The following LRRTM4 variants were observed in gnomAD, a reference collection of about 807,000 sequenced individuals.
The protein encoded by LRRTM4 is leucine-rich repeat transmembrane neuronal protein 4.
In LRRTM4, 25 loss-of-function variants were observed where a neutral mutation model predicts 47.6. The observed-to-expected ratio is 0.53, with a 90% CI of 0.38 to 0.73. LRRTM4 has a LOEUF of 0.73. Among genes scored for constraint, LRRTM4 ranks in the 30% least tolerant of loss-of-function variants. The pLI, the probability that LRRTM4 is intolerant of heterozygous loss-of-function variation, is 0.00. For synonymous variants in LRRTM4, 311 were observed against 269.5 expected, an observed-to-expected ratio of 1.15 and a Z score of -1.51; for missense variants, 638 against 713.4, an observed-to-expected ratio of 0.89 and a Z score of 1.20.
At chr2:77,323,364 G>A (rs1670619591) in intron 3 of LRRTM4, among the ~76,000 whole-genome samples, 1 of 152,146 alleles carries the variant, frequency 6.6e-6, no homozygotes, top group Non-Finnish European at 1.5e-5. Context: ...AGCTGTTACT[G>A]TCAAAGGTTA....
In LRRTM4 at chr2:77,083,868, G is replaced by C. The variant is rs551201932; in HGVS notation, c.1552-334952C>G. Among the ~76,000 whole-genome samples the C allele has an allele frequency of 1.1e-4, 14 of 132,048 alleles. No homozygotes were observed. The East Asian group carries it at 3.2e-3, about 30-fold the overall frequency. The allele number at this position is 132,048 out of a possible 152,430, so 86.6% of individuals were successfully genotyped here. ...CGCCCAGGCTGGAGTGCAATGGTGA[G>C]ATCTGGGCTCACTGCAAGCTCCGCC... On this transcript the variant is annotated intron_variant, in intron 3 of 3. Coordinates refer to ENST00000409884, the MANE Select transcript of LRRTM4 (RefSeq NM_001134745.3).
chr2:76,757,761 A>T (rs550940081), intron 3 of LRRTM4, among the ~76,000 whole-genome samples: 1 of 152,264 alleles, frequency 6.6e-6, no homozygotes, highest in Non-Finnish European at 1.5e-5. Flanking sequence ...AGAAGTTTTA[A>T]TGACATACAG....
At chr2:76,790,617 T>C (rs1231234195) in intron 3 of LRRTM4, among the ~76,000 whole-genome samples, 1 of 152,174 alleles carries the variant, frequency 6.6e-6, no homozygotes, top group Non-Finnish European at 1.5e-5. Context: ...AATAAAATAA[T>C]TCCCATTGCT....
intron 3 of LRRTM4, among the ~76,000 whole-genome samples, chr2:77,239,495 G>A (rs868005416): frequency 6.6e-6 from 1 of 152,028 alleles, no homozygotes; most frequent in African/African-American, 2.4e-5. Context: ...GAGATTGTCA[G>A]ATGATTGGAT....
At chr2:77,193,553 T>C (rs1488324809) in intron 3 of LRRTM4, among the ~76,000 whole-genome samples, 1 of 152,066 alleles carries the variant, frequency 6.6e-6, no homozygotes, top group Non-Finnish European at 1.5e-5. Context: ...CTCACGCCTG[T>C]AATCCCAGCA....
At chr2:77,394,407 G>C (rs965165099) in intron 3 of LRRTM4, among the ~76,000 whole-genome samples, 1 of 151,830 alleles carries the variant, frequency 6.6e-6, no homozygotes, top group Non-Finnish European at 1.5e-5. Flanking sequence ...TAATTTCTGA[G>C]ATGATGCTAT....
chr2:77,189,913 C>G (rs139832449), intron 3 of LRRTM4, among the ~76,000 whole-genome samples: 1 of 151,942 alleles, frequency 6.6e-6, no homozygotes, highest in Admixed American at 6.6e-5. Context: ...TGTATAAATA[C>G]TTTATACTTG....
At chr2:77,196,696 G>A (rs752055858) in intron 3 of LRRTM4, among the ~76,000 whole-genome samples, 37 of 152,254 alleles carry the variant, frequency 2.4e-4, no homozygotes, top group Non-Finnish European at 4.6e-4. Context: ...AGCTGAGAAC[G>A]TGCCACTGCA....
chr2:77,189,854 C>T (rs1188310343), intron 3 of LRRTM4, among the ~76,000 whole-genome samples: 1 of 151,912 alleles, frequency 6.6e-6, no homozygotes, highest in Non-Finnish European at 1.5e-5. Context: ...TATACATAAA[C>T]AATATCTATG....
rs377627751 is a variant in LRRTM4, at chr2:77,112,290, A to G, written c.1552-363374T>C. The stretch of plus-strand genomic sequence containing the variant: ...TGTTTATGTTTTTCTTTCAAGTGGA[A>G]TTTAAACTGGCTCTTTATTTTCTTG... On this transcript the variant is annotated intron_variant, in intron 3 of 3. Transcript: ENST00000409884. Among the ~76,000 whole-genome samples the G allele has an allele frequency of 6.7e-4, 102 of 152,324 alleles. 1 individual carries two copies. The highest frequency in any genetic ancestry group is 2.4e-3 in the African/African-American group (100 of 41,584).
chr2:77,034,056 G>A (rs1029828435), intron 3 of LRRTM4, among the ~76,000 whole-genome samples: 3 of 151,368 alleles, frequency 2.0e-5, no homozygotes, highest in Admixed American at 1.3e-4. Context: ...AAACCATAAA[G>A]GTTCTGTTAT....
chr2:77,338,799 C>T (rs879057528), intron 3 of LRRTM4, among the ~76,000 whole-genome samples: 1 of 151,962 alleles, frequency 6.6e-6, no homozygotes, highest in Non-Finnish European at 1.5e-5. Flanking sequence ...CACCTGCACT[C>T]GTATGTTTAT....
At chr2:76,830,515 C>CGTGTGT (rs57566911) in intron 3 of LRRTM4, among the ~76,000 whole-genome samples, 4,616 of 144,034 alleles carry the variant, frequency 0.032, 151 homozygotes, top group East Asian at 0.13. Context: ...GCAGTGTGTG[C>CGTGTGT]GTGTGTGTGT....
intron 3 of LRRTM4, among the ~76,000 whole-genome samples, chr2:77,155,751 G>A (rs529624530): frequency 2.6e-5 from 4 of 152,138 alleles, no homozygotes; most frequent in African/African-American, 4.8e-5. Flanking sequence ...GGGGGAGGAT[G>A]GGAAGAGGTT....
At chr2:76,757,802 T>C (rs1401314563) in intron 3 of LRRTM4, among the ~76,000 whole-genome samples, 1 of 152,078 alleles carries the variant, frequency 6.6e-6, no homozygotes. Flanking sequence ...CGGAAAACAG[T>C]GATTATTACT....
chr2:76,945,012 C>T (rs976298027), intron 3 of LRRTM4, among the ~76,000 whole-genome samples: 8 of 151,926 alleles, frequency 5.3e-5, no homozygotes, highest in Non-Finnish European at 1.2e-4. Flanking sequence ...TGGAAATTAT[C>T]CCGTGGATTT....
rs561232693 is a variant in LRRTM4 at position 76,890,723 on chromosome 2, G to A, written c.1552-141807C>T. On this transcript the variant is annotated intron_variant, in intron 3 of 3. Coordinates refer to ENST00000409884, the MANE Select transcript of LRRTM4 (RefSeq NM_001134745.3). Reference sequence around the variant, plus strand: ...AGTATACATATCAACAAAAAATAACGAACATAACTGACAACATCTACACCC... The same window carrying A: ...AGTATACATATCAACAAAAAATAACAAACATAACTGACAACATCTACACCC... Among the ~76,000 whole-genome samples the A allele has an allele frequency of 8.6e-5, 13 of 151,244 alleles. No homozygotes were observed. In the South Asian group the frequency reaches 1.3e-3, roughly 15 times the overall value.
rs1262355266 is a variant in LRRTM4 at position 77,384,421 on chromosome 2, T to C, written c.1551+133897A>G. Among the ~76,000 whole-genome samples, 8 of 151,894 alleles carry C rather than the reference T, an allele frequency of 5.3e-5. No individual in the cohort carries two copies. The East Asian group carries it at 1.4e-3, about 26-fold the overall frequency. ...AAGAACTCAGTGTATTAGGATATTA[T>C]AAGAAATAAGAAAATGTGTGTTTTG... On this transcript the variant is annotated intron_variant, in intron 3 of 3. Coordinates refer to ENST00000409884, the MANE Select transcript of LRRTM4 (RefSeq NM_001134745.3).
intron 3 of LRRTM4, among the ~76,000 whole-genome samples, chr2:77,295,693 A>T (rs67725271): frequency 0.17 from 25,151 of 152,068 alleles, 2,318 homozygotes; most frequent in East Asian, 0.43. Flanking sequence ...GGCCTCTCCC[A>T]GGCTTGTAGG....
Sources: gnomAD v4.1 joint callset for allele counts (sites outside exome capture counted in the v4.1 genomes callset) on GRCh38, gnomAD v4.1.1 for gene constraint, MANE v1.5 for transcripts, NCBI Gene and HGNC (gene_info 2026-07-23, HGNC 2026-07-21) for gene names.